The following TMEM230 variants were observed in gnomAD, a reference collection of about 807,000 sequenced individuals.
TMEM230 encodes transmembrane protein 230, also known as UPF0414 transmembrane protein C20orf30.
Under a neutral mutation model 15.8 loss-of-function variants are expected in TMEM230, and 10 were observed. That is an observed-to-expected ratio of 0.63 (90% CI 0.39 to 1.07). The LOEUF is 1.07. Among genes scored for constraint, TMEM230 ranks in the 50% least tolerant of loss-of-function variants. TMEM230 has a pLI of 0.01. For missense variants in TMEM230, 165 were observed against 193.3 expected (o/e 0.85, Z 0.87); for synonymous variants, 67 against 76.9 (o/e 0.87, Z 0.68).
At chr20:5,112,140 G>T (rs773287174) in intron 1 of TMEM230, among the ~76,000 whole-genome samples, 6 of 152,132 alleles carry the variant, frequency 3.9e-5, no homozygotes, top group African/African-American at 1.4e-4. Context: ...CAGCGCGCCC[G>T]GCCTAACTGT....
At chr20:5,101,334 T>C (rs1165745679) in intron 4 of TMEM230, among the ~76,000 whole-genome samples, 2 of 152,226 alleles carry the variant, frequency 1.3e-5, no homozygotes, top group Non-Finnish European at 2.9e-5. Context: ...CTGGACACTT[T>C]GGTTGTTTTT....
intron 3 of TMEM230, among the ~76,000 whole-genome samples, chr20:5,084,660 A>G (rs760192332): frequency 5.3e-5 from 8 of 152,202 alleles, no homozygotes; most frequent in Non-Finnish European, 1.0e-4. Context: ...CAGCCTCCTG[A>G]GTAGCTGGAA....
chr20:5,096,460 A>G (rs1413981562), downstream of TMEM230, among the ~76,000 whole-genome samples: 1 of 152,230 alleles, frequency 6.6e-6, no homozygotes, highest in East Asian at 1.9e-4. Context: ...TCAGGATAGG[A>G]ACTTAATGAA....
intron 3 of TMEM230, among the ~76,000 whole-genome samples, chr20:5,080,652 T>C (rs1356608010): frequency 6.6e-6 from 1 of 151,998 alleles, no homozygotes; most frequent in African/African-American, 2.4e-5. Context: ...CCACAACCTC[T>C]GCCTCCCGGA....
chr20:5,065,874 A>G (rs1600251217), downstream of TMEM230, among the ~76,000 whole-genome samples: 2 of 152,138 alleles, frequency 1.3e-5, no homozygotes, highest in African/African-American at 4.8e-5. Flanking sequence ...GTACTGGAGT[A>G]ATACCATGAC....
At chr20:5,067,756 C>G (rs866396257), downstream of TMEM230, among the ~76,000 whole-genome samples, 7 of 139,672 alleles carry the variant, frequency 5.0e-5, no homozygotes, top group Admixed American at 7.3e-5. Context: ...ACCCAGCCCC[C>G]CTCTGCTTTT....
chr20:5,094,146 A>G (rs1289243503), intron 3 of TMEM230, among the ~76,000 whole-genome samples: 1 of 150,062 alleles, frequency 6.7e-6, no homozygotes. Flanking sequence ...TTTAGTTGAG[A>G]CGGCGTTTCA....
At chr20:5,085,544 C>T (rs920277594) in intron 3 of TMEM230, among the ~76,000 whole-genome samples, 1 of 152,162 alleles carries the variant, frequency 6.6e-6, no homozygotes, top group Non-Finnish European at 1.5e-5. Context: ...TCGCCTCGGC[C>T]TCCCAAAGTG....
Position 5,106,281 on chromosome 20 carries a change from A to G in TMEM230, c.318T>C (p.Tyr106=). 1.2e-6 allele frequency: 2 copies of G among 1,612,598 alleles called. No individual in the cohort carries two copies. The highest frequency in any genetic ancestry group is 1.7e-6 in the Non-Finnish European group (2 of 1,179,578). ...GCACAGTGGCAAGTGCGATGGCCTT[A>G]TAAGGGATCTTAGGAGGGGTTTTCT... The change falls in exon 4 of 5, where the codon TAT becomes TAC. Residue 106 remains tyrosine (Y), a synonymous_variant. Transcript: ENST00000342308.
chr20:5,084,470 C>T (rs1226523607), intron 3 of TMEM230, among the ~76,000 whole-genome samples: 2 of 151,890 alleles, frequency 1.3e-5, no homozygotes, highest in Non-Finnish European at 2.9e-5. Context: ...GATCCACCCA[C>T]CTCAGCCTCC....
At chr20:5,073,924 T>C (rs6053077) in intron 3 of TMEM230, among the ~76,000 whole-genome samples, 10,032 of 152,252 alleles carry the variant, frequency 0.066, 1,060 homozygotes, top group African/African-American at 0.22. Context: ...AAGCATGGCA[T>C]CAGCCAGGGC....
At chr20:5,099,033 A>G (rs1411629633), downstream of TMEM230, among the ~76,000 whole-genome samples, 1 of 151,984 alleles carries the variant, frequency 6.6e-6, no homozygotes, top group African/African-American at 2.4e-5. Context: ...TTTTTAAAAA[A>G]GGACCAAATA....
At chr20:5,092,131 C>A (rs145597269) in intron 3 of TMEM230, among the ~76,000 whole-genome samples, 281 of 152,324 alleles carry the variant, frequency 1.8e-3, no homozygotes, top group African/African-American at 6.4e-3. Flanking sequence ...AATCTCCACA[C>A]ACTGAGATAC....
At chr20:5,105,688 T>C (rs1267232193) in intron 4 of TMEM230, among the ~76,000 whole-genome samples, 4 of 152,130 alleles carry the variant, frequency 2.6e-5, no homozygotes, top group African/African-American at 9.7e-5. Flanking sequence ...CATGGCTGTA[T>C]CAAAATACCT....
chr20:5,087,978 C>A (rs1177940650), intron 3 of TMEM230, among the ~76,000 whole-genome samples: 2 of 140,724 alleles, frequency 1.4e-5, no homozygotes, highest in Non-Finnish European at 3.1e-5. Context: ...CGGGCATGAG[C>A]CACCACACCC....
At chr20:5,085,986 C>T (rs569271344) in intron 3 of TMEM230, among the ~76,000 whole-genome samples, 10 of 152,306 alleles carry the variant, frequency 6.6e-5, no homozygotes, top group African/African-American at 1.9e-4. Context: ...CAGATGCCCA[C>T]GTCATGCTTC....
chr20:5,109,005 T>A (rs771782397), intron 3 of TMEM230, among the ~76,000 whole-genome samples: 2 of 152,090 alleles, frequency 1.3e-5, no homozygotes, highest in Non-Finnish European at 2.9e-5. Context: ...TTAAAGTTCC[T>A]TAAAAAAAGA....
chr20:5,060,159 G>T, the TMEM230 span, among the ~76,000 whole-genome samples: 6 of 151,902 alleles, frequency 3.9e-5, no homozygotes, highest in Non-Finnish European at 7.4e-5. Flanking sequence ...CAATCCTCCC[G>T]CCTTGGCCTC....
downstream of TMEM230, among the ~76,000 whole-genome samples, chr20:5,099,565 T>C (rs2089775569): frequency 6.6e-6 from 1 of 152,116 alleles, no homozygotes; most frequent in South Asian, 2.1e-4. Flanking sequence ...GACTCCCAAA[T>C]TTCTATTTCC....
Sources: allele counts gnomAD v4.1 joint callset (sites outside exome capture counted in the v4.1 genomes callset), GRCh38; gene constraint gnomAD v4.1.1; transcripts MANE v1.5; gene names NCBI Gene and HGNC (gene_info 2026-07-23, HGNC 2026-07-21).